The following EIF2B3 variants were observed in gnomAD, a reference collection of about 807,000 sequenced individuals.
EIF2B3 encodes translation initiation factor eIF2B subunit gamma.
In EIF2B3, 20 loss-of-function variants were observed where a neutral mutation model predicts 54.1. That is an observed-to-expected ratio of 0.37 (90% CI 0.26 to 0.54). The LOEUF is 0.54. Ranked by LOEUF, EIF2B3 falls within the 20% of genes least tolerant of loss-of-function variation. The pLI, the probability that EIF2B3 is intolerant of heterozygous loss-of-function variation, is 0.86. For synonymous variants in EIF2B3, 153 were observed against 188.1 expected (o/e 0.81, Z 1.52); for missense variants, 448 against 547.8 (o/e 0.82, Z 1.82).
chr1:44,957,501 C>T (rs945447161), intron 3 of EIF2B3, among the ~76,000 whole-genome samples: 8 of 152,134 alleles, frequency 5.3e-5, no homozygotes, highest in Admixed American at 5.2e-4. Flanking sequence ...CAGCTCACAC[C>T]TGTGATCCCA....
intron 3 of EIF2B3, chr1:44,958,554 A>C: frequency 7.1e-7 from 1 of 1,403,792 alleles, no homozygotes; most frequent in Non-Finnish European, 9.9e-7. Context: ...TCACTATCCT[A>C]TTATGTCTTT....
intron 3 of EIF2B3, among the ~76,000 whole-genome samples, chr1:44,970,713 T>G (rs1644391225): frequency 6.6e-6 from 1 of 152,334 alleles, no homozygotes; most frequent in Admixed American, 6.5e-5. Flanking sequence ...CACTGCCCTT[T>G]CTACAAGTTT....
At chr1:44,908,296 C>T (rs995921726) in intron 5 of EIF2B3, among the ~76,000 whole-genome samples, 2 of 152,136 alleles carry the variant, frequency 1.3e-5, no homozygotes, top group Admixed American at 1.3e-4. Flanking sequence ...CAGAGCAATA[C>T]AGGGTTATAA....
chr1:44,942,417 A>ATAT (rs1557697130), intron 3 of EIF2B3, among the ~76,000 whole-genome samples: 4 of 5,188 alleles, frequency 7.7e-4, no homozygotes, highest in Non-Finnish European at 7.7e-4. Context: ...ATATATATAT[A>ATAT]TTTTTTTTTT....
At chr1:44,966,289 A>G (rs1644338342) in intron 3 of EIF2B3, among the ~76,000 whole-genome samples, 1 of 151,866 alleles carries the variant, frequency 6.6e-6, no homozygotes, top group African/African-American at 2.4e-5. Flanking sequence ...AATACAAAAA[A>G]TTGGCCAGGC....
At chr1:44,900,753 A>G (rs1569662107) in intron 5 of EIF2B3, among the ~76,000 whole-genome samples, 1 of 152,288 alleles carries the variant, frequency 6.6e-6, no homozygotes, top group Admixed American at 6.5e-5. Flanking sequence ...CTTAAAAAAA[A>G]CTGCAGCCAT....
chr1:44,920,101 C>T (rs1413831941), intron 5 of EIF2B3, among the ~76,000 whole-genome samples: 2 of 150,190 alleles, frequency 1.3e-5, no homozygotes, highest in Non-Finnish European at 3.0e-5. Context: ...ATGATGCGAT[C>T]TAGGCTCACT....
At chr1:44,976,381 T>C (rs1484865689) in intron 3 of EIF2B3, among the ~76,000 whole-genome samples, 8 of 152,264 alleles carry the variant, frequency 5.3e-5, no homozygotes, top group African/African-American at 1.9e-4. Context: ...AAATGTAAAT[T>C]AAAACCACAA....
intron 5 of EIF2B3, among the ~76,000 whole-genome samples, chr1:44,906,072 G>C (rs990130843): frequency 6.6e-6 from 1 of 152,152 alleles, no homozygotes; most frequent in Non-Finnish European, 1.5e-5. Flanking sequence ...CATCTTTCAA[G>C]CTATCCTTCT....
At chr1:44,886,453 T>TA (rs966244620) in intron 6 of EIF2B3, among the ~76,000 whole-genome samples, 2 of 152,210 alleles carry the variant, frequency 1.3e-5, no homozygotes, top group African/African-American at 4.8e-5. Context: ...TGGAAACAAA[T>TA]ACACTAAAAT....
Position 44,960,587 on chromosome 1 carries a change from G to A in EIF2B3, c.294+17728C>T, listed in dbSNP as rs537493067. Among the ~76,000 whole-genome samples, 12 of 151,828 alleles carry A rather than the reference G, an allele frequency of 7.9e-5. No homozygotes were observed. The East Asian group carries it at 1.7e-3, about 22-fold the overall frequency. On this transcript the variant is annotated intron_variant, in intron 3 of 11. Coordinates refer to ENST00000360403, the MANE Select transcript of EIF2B3 (RefSeq NM_020365.5). ...CCGGGGGCGGAGCTTGCAGTGAGCC[G>A]AGATCGCGCCACTGCACTCCAGCCT...
chr1:44,907,989 A>C (rs1643447887), intron 5 of EIF2B3, among the ~76,000 whole-genome samples: 1 of 150,606 alleles, frequency 6.6e-6, no homozygotes, highest in Non-Finnish European at 1.5e-5. Context: ...TCCCATCATG[A>C]GGTAGAGTCT....
intron 5 of EIF2B3, among the ~76,000 whole-genome samples, chr1:44,912,746 G>T (rs1643540285): frequency 6.6e-6 from 1 of 152,150 alleles, no homozygotes; most frequent in Admixed American, 6.5e-5. Flanking sequence ...GGACATAACT[G>T]TTCAGTATCT....
At chr1:44,962,597 C>T (rs999886816) in intron 3 of EIF2B3, among the ~76,000 whole-genome samples, 25 of 152,098 alleles carry the variant, frequency 1.6e-4, no homozygotes, top group African/African-American at 5.1e-4. Flanking sequence ...ATTTGTGTAG[C>T]GATGAGGGAG....
chr1:44,876,537 G>A (rs1321971949), intron 8 of EIF2B3, among the ~76,000 whole-genome samples: 30 of 44,434 alleles, frequency 6.8e-4, no homozygotes, highest in African/African-American at 2.5e-3. Context: ...AGTGAGGAGC[G>A]TCTCCGCCCG....
At chr1:44,918,803 T>C (rs1643679288) in intron 5 of EIF2B3, among the ~76,000 whole-genome samples, 1 of 152,244 alleles carries the variant, frequency 6.6e-6, no homozygotes, top group African/African-American at 2.4e-5. Context: ...GCTCCCATCA[T>C]ATACACCCAT....
At chr1:44,862,519 T>TG (rs889091452) in intron 10 of EIF2B3, among the ~76,000 whole-genome samples, 5 of 152,224 alleles carry the variant, frequency 3.3e-5, no homozygotes, top group Admixed American at 6.5e-5. Flanking sequence ...GCTCCTCTTC[T>TG]GGCTTTAGGT....
At position 44,931,835 on chromosome 1, in the gene EIF2B3, C is replaced by T. The variant is rs75482626; in HGVS notation, c.455-5096G>A. On this transcript the variant is annotated intron_variant, in intron 4 of 11. Transcript: ENST00000360403. ...CAAGTACCTATAAAAATGTATAGTACGCTGGGCATGGTGGCTCACGCCTAT... is the reference window on the plus strand; with the variant it reads ...CAAGTACCTATAAAAATGTATAGTATGCTGGGCATGGTGGCTCACGCCTAT... 5.0e-3 allele frequency among the ~76,000 whole-genome samples: 764 copies of T among 152,298 alleles called. 4 individuals carry two copies. Among genetic ancestry groups the T allele is most frequent in the East Asian group, 8.1e-3 (42 of 5,186 alleles).
At chr1:44,925,187 T>C (rs1488782532) in intron 5 of EIF2B3, 1 of 152,132 alleles carries the variant, frequency 6.6e-6, no homozygotes, top group Non-Finnish European at 1.5e-5. Flanking sequence ...CTTCTAAATA[T>C]ATATCCAAAA....
Sources: gnomAD v4.1 joint callset for allele counts (sites outside exome capture counted in the v4.1 genomes callset) on GRCh38, gnomAD v4.1.1 for gene constraint, MANE v1.5 for transcripts, NCBI Gene and HGNC (gene_info 2026-07-23, HGNC 2026-07-21) for gene names.